L3MBTL4: variants seen among roughly 807,000 people sequenced by gnomAD.
L3MBTL4 encodes the protein lethal(3)malignant brain tumor-like protein 4.
A neutral mutation model predicts 84.5 loss-of-function variants in L3MBTL4; 70 were observed. The ratio of observed to expected loss-of-function variants is 0.83; its 90% CI spans 0.68 to 1.01. L3MBTL4 has a LOEUF of 1.01. L3MBTL4 is among the 50% of genes least tolerant of loss of function. L3MBTL4 has a pLI of 0.00. For synonymous variants in L3MBTL4, 274 were observed against 259.8 expected, an observed-to-expected ratio of 1.05 and a Z score of -0.52; for missense variants, 715 against 754.8, an observed-to-expected ratio of 0.95 and a Z score of 0.62.
intron 14 of L3MBTL4, among the ~76,000 whole-genome samples, chr18:6,123,339 A>G (rs1268140968): frequency 6.6e-6 from 1 of 152,154 alleles, no homozygotes; most frequent in Non-Finnish European, 1.5e-5. Context: ...TACCCACTCA[A>G]TCTAATCTTG....
At chr18:6,043,738 A>C (rs2056501537) in intron 16 of L3MBTL4, among the ~76,000 whole-genome samples, 1 of 152,216 alleles carries the variant, frequency 6.6e-6, no homozygotes, top group Admixed American at 6.5e-5. Flanking sequence ...CACAGTACTT[A>C]CTAAGTAGTA....
chr18:6,294,647 A>T (rs2050010136), intron 4 of L3MBTL4, among the ~76,000 whole-genome samples: 1 of 152,172 alleles, frequency 6.6e-6, no homozygotes, highest in Admixed American at 6.5e-5. Flanking sequence ...ACAGGGCTTG[A>T]AGGCTTCCCA....
chr18:5,968,288 T>A (rs1055502770), intron 17 of L3MBTL4, among the ~76,000 whole-genome samples: 1 of 152,240 alleles, frequency 6.6e-6, no homozygotes, highest in African/African-American at 2.4e-5. Flanking sequence ...AAAAACAGTA[T>A]CTTTATCCAA....
At chr18:6,343,162 A>G (rs2052694038) in intron 1 of L3MBTL4, among the ~76,000 whole-genome samples, 1 of 152,182 alleles carries the variant, frequency 6.6e-6, no homozygotes, top group African/African-American at 2.4e-5. Context: ...TTGATACCTC[A>G]CTTTCAACAA....
At chr18:6,322,170 A>T (rs1350273103) in intron 1 of L3MBTL4, among the ~76,000 whole-genome samples, 2 of 152,010 alleles carry the variant, frequency 1.3e-5, no homozygotes, top group African/African-American at 4.8e-5. Context: ...CAGCGTGGGC[A>T]ACACAGTGAA....
At chr18:6,230,176 C>T (rs1358738150) in intron 10 of L3MBTL4, among the ~76,000 whole-genome samples, 1 of 152,048 alleles carries the variant, frequency 6.6e-6, no homozygotes, top group Non-Finnish European at 1.5e-5. Flanking sequence ...TTTCATCACT[C>T]AGGTAATAAG....
intron 1 of L3MBTL4, among the ~76,000 whole-genome samples, chr18:6,399,254 A>G (rs2055410456): frequency 6.6e-6 from 1 of 152,142 alleles, no homozygotes. Context: ...CCTGACCAAT[A>G]TGGTGAAACC....
At chr18:5,970,506 A>G (rs923291205) in intron 16 of L3MBTL4, among the ~76,000 whole-genome samples, 2 of 152,362 alleles carry the variant, frequency 1.3e-5, no homozygotes, top group Admixed American at 1.3e-4. Context: ...ACAAATGGAT[A>G]AGGAGCAAAA....
chr18:6,412,068 T>C (rs895249688), intron 1 of L3MBTL4, among the ~76,000 whole-genome samples: 1 of 152,152 alleles, frequency 6.6e-6, no homozygotes, highest in Non-Finnish European at 1.5e-5. Flanking sequence ...TGGGGGTTTG[T>C]TGTACAGATT....
chr18:6,111,177 C>G (rs1468537332), intron 14 of L3MBTL4, among the ~76,000 whole-genome samples: 3 of 152,048 alleles, frequency 2.0e-5, no homozygotes, highest in Non-Finnish European at 2.9e-5. Context: ...ATAAATAGTG[C>G]TGCAAAGGAG....
chr18:6,202,086 A>T (rs1358566070), intron 12 of L3MBTL4, among the ~76,000 whole-genome samples: 2 of 152,130 alleles, frequency 1.3e-5, no homozygotes, highest in Non-Finnish European at 2.9e-5. Flanking sequence ...ACCACATTCA[A>T]ATAAGGCAAA....
intron 16 of L3MBTL4, among the ~76,000 whole-genome samples, chr18:6,020,840 G>T (rs1185044006): frequency 2.0e-5 from 3 of 152,172 alleles, no homozygotes; most frequent in Admixed American, 6.5e-5. Context: ...TATGTCTGGG[G>T]TGGACGTGCT....
chr18:6,197,068 T>C (rs867549035), intron 12 of L3MBTL4, among the ~76,000 whole-genome samples: 1 of 152,354 alleles, frequency 6.6e-6, no homozygotes, highest in South Asian at 2.1e-4. Context: ...CTATGGTAGT[T>C]GGTGTTAAAA....
At chr18:5,996,610 C>T (rs1244584452) in intron 16 of L3MBTL4, among the ~76,000 whole-genome samples, 1 of 152,148 alleles carries the variant, frequency 6.6e-6, no homozygotes, top group South Asian at 2.1e-4. Flanking sequence ...TAACATGAAG[C>T]TCAGAGAAGC....
chr18:6,014,343 T>C (rs1399400143), intron 16 of L3MBTL4, among the ~76,000 whole-genome samples: 1 of 152,160 alleles, frequency 6.6e-6, no homozygotes, highest in Non-Finnish European at 1.5e-5. Flanking sequence ...ACCTTTTCAG[T>C]AAACAGATCA....
At chr18:6,122,345 T>C (rs925294550) in intron 14 of L3MBTL4, among the ~76,000 whole-genome samples, 31 of 152,230 alleles carry the variant, frequency 2.0e-4, no homozygotes, top group African/African-American at 7.2e-4. Context: ...ATCAACTTGA[T>C]ATGATTTGGC....
intron 1 of L3MBTL4, among the ~76,000 whole-genome samples, chr18:6,348,428 C>CA (rs754624406): frequency 1.3e-5 from 2 of 151,902 alleles, no homozygotes; most frequent in Non-Finnish European, 2.9e-5. Context: ...ACCAATGAAA[C>CA]AGATTAGAAA....
chr18:6,022,080 T>C (rs557437955), intron 16 of L3MBTL4, among the ~76,000 whole-genome samples: 2 of 152,364 alleles, frequency 1.3e-5, no homozygotes, highest in South Asian at 4.1e-4. Flanking sequence ...CTGTGATTTT[T>C]GGTAGGAAAT....
At chr18:6,340,498 A>G (rs548376760) in intron 1 of L3MBTL4, among the ~76,000 whole-genome samples, 7 of 152,210 alleles carry the variant, frequency 4.6e-5, no homozygotes, top group Non-Finnish European at 8.8e-5. Context: ...GCTGTCTAGC[A>G]GGCCCACTTC....
Sources: allele counts gnomAD v4.1 joint callset (sites outside exome capture counted in the v4.1 genomes callset), GRCh38; gene constraint gnomAD v4.1.1; transcripts MANE v1.5; gene names NCBI Gene and HGNC (gene_info 2026-07-23, HGNC 2026-07-21).